The following FRMPD4 variants were observed in gnomAD, a reference collection of about 807,000 sequenced individuals.
FRMPD4 encodes FERM and PDZ domain containing 4, also known as FERM and PDZ domain-containing protein 4.
In FRMPD4, 22 loss-of-function variants were observed where a neutral mutation model predicts 94.1. The observed-to-expected ratio is 0.23, with a 90% confidence interval of 0.17 to 0.33. The LOEUF (loss-of-function observed/expected upper bound fraction) is 0.33. Ranked by LOEUF, FRMPD4 falls within the 10% of genes least tolerant of loss-of-function variation. The pLI, the probability that FRMPD4 is intolerant of heterozygous loss-of-function variation, is 1.00. For missense variants in FRMPD4, 1,111 were observed against 1,339.9 expected, an observed-to-expected ratio of 0.83 and a Z score of 2.67; for synonymous variants, 631 against 548.6, an observed-to-expected ratio of 1.15 and a Z score of -2.10.
At chrX:11,989,753 C>T (rs1253304470) in intron 3 of FRMPD4, among the ~76,000 whole-genome samples, 2 of 110,935 alleles carry the variant, frequency 1.8e-5, no homozygotes, top group African/African-American at 3.3e-5. Context: ...TCATGTACCC[C>T]ATAATTATAT....
At chrX:12,400,490 T>C (rs1197664865) in intron 1 of FRMPD4, among the ~76,000 whole-genome samples, 1 of 112,002 alleles carries the variant, frequency 8.9e-6, no homozygotes, top group Non-Finnish European at 1.9e-5. Flanking sequence ...TCAAGGTCAC[T>C]TGGTTTATAG....
chrX:12,266,132 C>CAAAAAAAAA (rs3990340), intron 1 of FRMPD4, among the ~76,000 whole-genome samples: 4 of 25,771 alleles, frequency 1.6e-4, no homozygotes, highest in African/African-American at 2.9e-4. Flanking sequence ...GACTCCGTCT[C>CAAAAAAAAA]AAAAAAAAAA....
intron 3 of FRMPD4, among the ~76,000 whole-genome samples, chrX:12,027,490 T>G (rs2054667361): frequency 8.9e-6 from 1 of 112,153 alleles, no homozygotes; most frequent in Admixed American, 9.4e-5. Flanking sequence ...TCCTGTTACA[T>G]TGAGTGTGAC....
intron 3 of FRMPD4, among the ~76,000 whole-genome samples, chrX:11,950,896 A>G (rs763364381): frequency 6.4e-5 from 7 of 109,722 alleles, no homozygotes; most frequent in Non-Finnish European, 1.3e-4. Flanking sequence ...TGTCTTTACT[A>G]AAAATACAAA....
chrX:12,075,675 C>G (rs2055007421), intron 3 of FRMPD4, among the ~76,000 whole-genome samples: 1 of 111,611 alleles, frequency 9.0e-6, no homozygotes, highest in Admixed American at 9.5e-5. Flanking sequence ...TTGGCCAGAA[C>G]TAAATGATAA....
chrX:12,647,109 C>A (rs2059555215), intron 4 of FRMPD4, among the ~76,000 whole-genome samples: 1 of 111,913 alleles, frequency 8.9e-6, no homozygotes, highest in Admixed American at 9.5e-5. Context: ...TCCTCTGGCA[C>A]CTGCTTCTCT....
chrX:12,286,568 G>A (rs2054603153), intron 1 of FRMPD4, among the ~76,000 whole-genome samples: 2 of 112,282 alleles, frequency 1.8e-5, no homozygotes, highest in South Asian at 3.7e-4. Context: ...GTGATTAGCA[G>A]AATGTTGGGA....
chrX:12,379,290 A>G (rs2056286098), intron 1 of FRMPD4, among the ~76,000 whole-genome samples: 1 of 112,153 alleles, frequency 8.9e-6, no homozygotes. Flanking sequence ...TTGTGACTAT[A>G]AACTTGTGCC....
rs370979654 is a variant in FRMPD4 at position 12,246,629 on chromosome X, A to G, written c.41+107617A>G. ...CCACTTAGAGTCATAGGAAAAATAC[A>G]TATTTTTTTCTTTGCATAATTCTTA... is the stretch of plus-strand genomic sequence containing the variant. On this transcript the variant is annotated intron_variant, in intron 1 of 16. Transcript: ENST00000675598. 6.5e-5 allele frequency among the ~76,000 whole-genome samples: 7 copies of G among 108,432 alleles called. No individual in the cohort carries two copies. The East Asian group carries it at 9.0e-4, about 14-fold the overall frequency. The allele number at this position is 108,432 out of a possible 115,157, so 94.2% of individuals were successfully genotyped here. A position where few individuals can be genotyped will look rare whatever the true frequency, so the allele number is the denominator to read the frequency against.
intron 1 of FRMPD4, among the ~76,000 whole-genome samples, chrX:12,314,610 T>A (rs2055085358): frequency 2.7e-5 from 3 of 112,049 alleles, no homozygotes; most frequent in African/African-American, 9.7e-5. Flanking sequence ...CAATTTCAAA[T>A]GAGTCTGTAG....
intron 3 of FRMPD4, among the ~76,000 whole-genome samples, chrX:12,108,240 C>T (rs1179231441): frequency 8.9e-6 from 1 of 112,017 alleles, no homozygotes; most frequent in Non-Finnish European, 1.9e-5. Flanking sequence ...AGAAACTCTA[C>T]AAGCCAGAAG....
At chrX:12,005,992 A>C (rs1195786762) in intron 3 of FRMPD4, among the ~76,000 whole-genome samples, 1 of 107,260 alleles carries the variant, frequency 9.3e-6, no homozygotes, top group Non-Finnish European at 1.9e-5. Context: ...TTATGAGAAA[A>C]TTTTCAGGCT....
At chrX:12,379,918 C>T (rs1355523386) in intron 1 of FRMPD4, among the ~76,000 whole-genome samples, 1 of 108,164 alleles carries the variant, frequency 9.2e-6, no homozygotes, top group East Asian at 2.9e-4. Context: ...ATTGAAGTTT[C>T]AGCACCAAAA....
At chrX:12,088,290 C>T (rs971367870) in intron 3 of FRMPD4, among the ~76,000 whole-genome samples, 1 of 111,676 alleles carries the variant, frequency 9.0e-6, no homozygotes, top group Non-Finnish European at 1.9e-5. Context: ...GTCTTCACAC[C>T]GTGAAAGAGG....
At chrX:12,358,361 C>G (rs904962920) in intron 1 of FRMPD4, among the ~76,000 whole-genome samples, 4 of 111,265 alleles carry the variant, frequency 3.6e-5, no homozygotes, top group African/African-American at 1.3e-4. Context: ...AGTCCTTATC[C>G]AGGGCTCTTG....
At chrX:11,876,660 C>CAGTTTAAATGT (rs2053787198) in intron 2 of FRMPD4, among the ~76,000 whole-genome samples, 1 of 109,409 alleles carries the variant, frequency 9.1e-6, no homozygotes, top group African/African-American at 3.3e-5. Flanking sequence ...GTTATTTCCC[C>CAGTTTAAATGT]ACTTTAAATG....
intron 3 of FRMPD4, among the ~76,000 whole-genome samples, chrX:11,988,161 G>A (rs1256411180): frequency 9.0e-6 from 1 of 111,371 alleles, no homozygotes; most frequent in Non-Finnish European, 1.9e-5. Flanking sequence ...TAAAAATAAA[G>A]GAATCACATT....
At chrX:12,479,448 A>G (rs1184280164) in intron 1 of FRMPD4, among the ~76,000 whole-genome samples, 1 of 101,351 alleles carries the variant, frequency 9.9e-6, no homozygotes, top group Non-Finnish European at 1.9e-5. Context: ...ACATATATGT[A>G]TATATATGTA....
intron 1 of FRMPD4, among the ~76,000 whole-genome samples, chrX:11,825,663 C>A (rs2053439759): frequency 1.8e-5 from 2 of 111,331 alleles, no homozygotes; most frequent in Admixed American, 9.6e-5. Flanking sequence ...ACCGCACCCC[C>A]CCACCAAAAG....
Sources: gnomAD v4.1 joint callset for allele counts (sites outside exome capture counted in the v4.1 genomes callset) on GRCh38, gnomAD v4.1.1 for gene constraint, MANE v1.5 for transcripts, NCBI Gene and HGNC (gene_info 2026-07-23, HGNC 2026-07-21) for gene names.